The following QTMAN variants were observed in gnomAD, a reference collection of about 807,000 sequenced individuals.
QTMAN encodes the protein tRNA-queuosine alpha-mannosyltransferase.
the QTMAN span, among the ~76,000 whole-genome samples, chr2:144,049,101 T>A: frequency 2.0e-5 from 3 of 151,962 alleles, no homozygotes; most frequent in Non-Finnish European, 2.9e-5. Flanking sequence ...AGTTGTTGGG[T>A]TTTTCTCCCC....
At chr2:144,068,191 T>C in the QTMAN span, among the ~76,000 whole-genome samples, 3 of 152,172 alleles carry the variant, frequency 2.0e-5, no homozygotes, top group Admixed American at 1.3e-4. Context: ...TTCAAGTATG[T>C]ATGACAGGCA....
At chr2:144,143,148 T>C in the QTMAN span, among the ~76,000 whole-genome samples, 2 of 152,032 alleles carry the variant, frequency 1.3e-5, no homozygotes, top group Non-Finnish European at 1.5e-5. Flanking sequence ...GGCTAAGCTA[T>C]GATGTCTGAT....
the QTMAN span, among the ~76,000 whole-genome samples, chr2:144,244,241 T>C: frequency 6.6e-6 from 1 of 152,224 alleles, no homozygotes; most frequent in Non-Finnish European, 1.5e-5. Flanking sequence ...ACAGCACTGC[T>C]GTGATCTACG....
At chr2:143,941,966 A>AT in the QTMAN span, 2 of 153,932 alleles carry the variant, frequency 1.3e-5, no homozygotes, top group African/African-American at 4.8e-5. Context: ...ATGTGCCTTA[A>AT]TTTTCTCATC....
the QTMAN span, among the ~76,000 whole-genome samples, chr2:144,185,835 CAAAAT>C: frequency 6.6e-6 from 1 of 151,914 alleles, no homozygotes; most frequent in African/African-American, 2.4e-5. Context: ...TATTTTTAAA[CAAAAT>C]AAAACAAAAA....
At chr2:144,231,180 A>G in the QTMAN span, among the ~76,000 whole-genome samples, 3 of 152,282 alleles carry the variant, frequency 2.0e-5, no homozygotes, top group East Asian at 1.9e-4. Context: ...TATGTACCAT[A>G]TGGTTAAGGG....
At chr2:144,200,404 T>A in the QTMAN span, among the ~76,000 whole-genome samples, 3 of 152,194 alleles carry the variant, frequency 2.0e-5, no homozygotes, top group Non-Finnish European at 4.4e-5. Context: ...TTTTACACAA[T>A]ATCACAGGCA....
the QTMAN span, among the ~76,000 whole-genome samples, chr2:144,075,102 TCTCA>T: frequency 6.6e-6 from 1 of 152,312 alleles, no homozygotes; most frequent in Non-Finnish European, 1.5e-5. Flanking sequence ...TCTAGAGCTT[TCTCA>T]CTGATTCTAC....
At chr2:144,041,476 A>C in the QTMAN span, among the ~76,000 whole-genome samples, 1 of 152,210 alleles carries the variant, frequency 6.6e-6, no homozygotes, top group Admixed American at 6.5e-5. Flanking sequence ...TCTCAGGGTC[A>C]ATATGTATGA....
At chr2:144,182,861 A>ATATATATATTATATGTATAAT in the QTMAN span, among the ~76,000 whole-genome samples, 1 of 66,762 alleles carries the variant, frequency 1.5e-5, no homozygotes, top group African/African-American at 8.6e-5. Context: ...TTTTATATAT[A>ATATATATATTATATGTATAAT]ATATATATAT....
chr2:144,200,407 C>A, the QTMAN span, among the ~76,000 whole-genome samples: 296 of 152,286 alleles, frequency 1.9e-3, 1 homozygote, highest in African/African-American at 6.2e-3. Flanking sequence ...TACACAATAT[C>A]ACAGGCATGT....
chr2:144,064,770 C>T, the QTMAN span, among the ~76,000 whole-genome samples: 605 of 152,252 alleles, frequency 4.0e-3, 7 homozygotes, highest in South Asian at 0.025. Flanking sequence ...GGCAAAAATT[C>T]CATAAAGATT....
chr2:144,258,653 CTCT>C, the QTMAN span, among the ~76,000 whole-genome samples: 1 of 152,106 alleles, frequency 6.6e-6, no homozygotes, highest in Non-Finnish European at 1.5e-5. Context: ...CATCCATAAG[CTCT>C]TCTTAAGAAG....
chr2:144,317,649 T>C, the QTMAN span: 1 of 152,200 alleles, frequency 6.6e-6, no homozygotes, highest in Non-Finnish European at 1.5e-5. Flanking sequence ...TGTTTTGTCA[T>C]TTCAGAAAGC....
At chr2:144,094,945 T>C in the QTMAN span, among the ~76,000 whole-genome samples, 34 of 152,320 alleles carry the variant, frequency 2.2e-4, no homozygotes, top group Non-Finnish European at 3.5e-4. Context: ...CAGGATCACA[T>C]CTTATTCACT....
chr2:144,220,532 A>AC, the QTMAN span, among the ~76,000 whole-genome samples: 1 of 152,336 alleles, frequency 6.6e-6, no homozygotes, highest in South Asian at 2.1e-4. Context: ...CTAATGAAGC[A>AC]GAGACCCTAT....
chr2:144,048,379 A>T, the QTMAN span, among the ~76,000 whole-genome samples: 465 of 152,274 alleles, frequency 3.1e-3, 2 homozygotes, highest in African/African-American at 0.011. Flanking sequence ...ATATTCACCC[A>T]CTTAACAAAT....
At chr2:144,115,192 C>T in the QTMAN span, among the ~76,000 whole-genome samples, 10 of 151,968 alleles carry the variant, frequency 6.6e-5, no homozygotes, top group African/African-American at 1.7e-4. Context: ...GATCACACCA[C>T]GGAACTCCAG....
At chr2:144,207,311 C>T in the QTMAN span, among the ~76,000 whole-genome samples, 2 of 152,284 alleles carry the variant, frequency 1.3e-5, no homozygotes, top group African/African-American at 2.4e-5. Flanking sequence ...TTCTCAGAGA[C>T]GATACATAAT....
Sources: gnomAD v4.1 joint callset for allele counts (sites outside exome capture counted in the v4.1 genomes callset) on GRCh38, gnomAD v4.1.1 for gene constraint, MANE v1.5 for transcripts, NCBI Gene and HGNC (gene_info 2026-07-23, HGNC 2026-07-21) for gene names.